PCDHGA1: variants seen among roughly 807,000 people sequenced by gnomAD.
PCDHGA1 encodes protocadherin gamma subfamily A, 1.
In PCDHGA1, 32 loss-of-function variants were observed where a neutral mutation model predicts 58.0. The observed-to-expected ratio is 0.55, with a 90% CI of 0.42 to 0.74. The LOEUF (loss-of-function observed/expected upper bound fraction) is 0.74. Ranked by LOEUF, PCDHGA1 falls within the 30% of genes least tolerant of loss-of-function variation. The pLI is 0.00. For missense variants in PCDHGA1, 1,205 were observed against 1,182.3 expected (o/e 1.02, Z -0.28); for synonymous variants, 498 against 501.1 (o/e 0.99, Z 0.08).
At chr5:141,380,635 G>C (rs746308338) in intron 1 of PCDHGA1, among the ~76,000 whole-genome samples, 17 of 152,190 alleles carry the variant, frequency 1.1e-4, no homozygotes, top group African/African-American at 2.4e-4. Flanking sequence ...TAGAAAATGT[G>C]AATGCTAGAG....
intron 1 of PCDHGA1, chr5:141,374,774 A>G: frequency 6.2e-7 from 1 of 1,613,822 alleles, no homozygotes; most frequent in Non-Finnish European, 8.5e-7. Context: ...AATTCTGGTA[A>G]CAGTTCTAGA....
intron 1 of PCDHGA1, among the ~76,000 whole-genome samples, chr5:141,456,780 T>A (rs1392367637): frequency 1.3e-5 from 2 of 152,000 alleles, no homozygotes; most frequent in Non-Finnish European, 2.9e-5. Flanking sequence ...CTGGCCTACA[T>A]GGCAAAACCC....
intron 1 of PCDHGA1, chr5:141,370,873 C>T: frequency 6.2e-7 from 1 of 1,614,064 alleles, no homozygotes; most frequent in Non-Finnish European, 8.5e-7. Flanking sequence ...GCGCAAGATC[C>T]TGATGTAGGT....
chr5:141,375,593 T>C (rs922478028), intron 1 of PCDHGA1: 1 of 1,614,024 alleles, frequency 6.2e-7, no homozygotes, highest in African/African-American at 1.3e-5. Flanking sequence ...CCTGTCCTCC[T>C]ACGTGTCCAT....
chr5:141,454,281 A>C (rs1048947689), intron 1 of PCDHGA1, among the ~76,000 whole-genome samples: 2 of 152,242 alleles, frequency 1.3e-5, no homozygotes, highest in African/African-American at 4.8e-5. Context: ...AAAACTTCAC[A>C]TTAAAGGAAC....
intron 1 of PCDHGA1, chr5:141,430,780 C>G: frequency 6.6e-7 from 1 of 1,511,476 alleles, no homozygotes; most frequent in Non-Finnish European, 8.8e-7. Context: ...CGCGACTGCA[C>G]CGGGACTACA....
In PCDHGA1 at chr5:141,384,747, CTT is replaced by C. The variant is rs1040265836; in HGVS notation, c.2421+51644_2421+51645del. Reference sequence around the variant, plus strand: ...TGCTTAAGGCCAGCGAGCCAGGACTCTTTGCGGTTGGGCTGTACACGGGCGAG... The same window carrying C: ...TGCTTAAGGCCAGCGAGCCAGGACTCTGCGGTTGGGCTGTACACGGGCGAG... On this transcript the variant is annotated intron_variant, in intron 1 of 3. Coordinates refer to ENST00000517417, the MANE Select transcript of PCDHGA1 (RefSeq NM_018912.3). 2.2e-5 allele frequency: 35 copies of C among 1,614,060 alleles called. No individual in the cohort carries two copies. In the Admixed American group the frequency reaches 3.5e-4, roughly 16 times the overall value.
At chr5:141,384,368 C>T (rs748304499) in intron 1 of PCDHGA1, 7 of 1,613,908 alleles carry the variant, frequency 4.3e-6, no homozygotes, top group East Asian at 2.2e-5. Flanking sequence ...ATCACTTATT[C>T]CTTGGCCGAA....
At chr5:141,462,781 G>C (rs893647456) in intron 1 of PCDHGA1, among the ~76,000 whole-genome samples, 1 of 152,102 alleles carries the variant, frequency 6.6e-6, no homozygotes, top group Non-Finnish European at 1.5e-5. Flanking sequence ...GTCATAATTT[G>C]TTGCTTATTT....
intron 2 of PCDHGA1, among the ~76,000 whole-genome samples, chr5:141,497,175 A>T (rs2154592067): frequency 6.7e-6 from 1 of 150,262 alleles, no homozygotes; most frequent in East Asian, 1.9e-4. Context: ...AAATCACAGT[A>T]AGTTCTGAGA....
intron 1 of PCDHGA1, among the ~76,000 whole-genome samples, chr5:141,473,948 A>ACC (rs2099333859): frequency 1.3e-5 from 2 of 152,182 alleles, no homozygotes; most frequent in Non-Finnish European, 2.9e-5. Context: ...TCAGGCCTGT[A>ACC]GTCCCATCTA....
In PCDHGA1 at chr5:141,489,198, C is replaced by G; in HGVS notation, c.2422-5609C>G. 1 of 1,392,402 alleles carries G rather than the reference C, an allele frequency of 7.2e-7. No individual in the cohort carries two copies. Among genetic ancestry groups the G allele is most frequent in the South Asian group, 1.4e-5 (1 of 71,348 alleles). The allele number at this position is 1,392,402 out of a possible 1,614,324, so 86.3% of individuals were successfully genotyped here. A position where few individuals can be genotyped will look rare whatever the true frequency, so the allele number is the denominator to read the frequency against. On this transcript the variant is annotated intron_variant, in intron 1 of 3. Coordinates refer to ENST00000517417, the MANE Select transcript of PCDHGA1 (RefSeq NM_018912.3). This position sits in a 1 kb window ranked among gnomAD's most constrained non-coding sequence, Gnocchi z 4.5. ...CCAAGCCCTGGGTCTACCTTGGAGA[C>G]AGGACAGCACAGACTTACTCTCCAC...
chr5:141,355,112 A>G, intron 1 of PCDHGA1: 1 of 1,510,090 alleles, frequency 6.6e-7, no homozygotes, highest in Non-Finnish European at 8.8e-7. Context: ...CTGTGAATGC[A>G]CTTTATTTTG....
intron 1 of PCDHGA1, chr5:141,345,320 C>T: frequency 6.2e-7 from 1 of 1,613,966 alleles, no homozygotes; most frequent in Non-Finnish European, 8.5e-7. Flanking sequence ...ATGGGGGAAG[C>T]CCGCCACTGT....
intron 1 of PCDHGA1, chr5:141,384,104 A>C: frequency 1.2e-6 from 2 of 1,601,040 alleles, no homozygotes; most frequent in Non-Finnish European, 8.5e-7. Context: ...GATAATTATT[A>C]TAGATTGGTC....
At chr5:141,366,726 C>G (rs761086416) in intron 1 of PCDHGA1, 3 of 1,613,226 alleles carry the variant, frequency 1.9e-6, no homozygotes, top group Admixed American at 3.3e-5. Context: ...AAGGTAGATG[C>G]AAACAAAGAA....
intron 1 of PCDHGA1, chr5:141,394,082 G>C: frequency 6.2e-7 from 1 of 1,613,830 alleles, no homozygotes; most frequent in Non-Finnish European, 8.5e-7. Flanking sequence ...TCACAGTGAT[G>C]GCCTCAGATC....
At chr5:141,361,876 G>T in intron 1 of PCDHGA1, 1 of 1,610,918 alleles carries the variant, frequency 6.2e-7, no homozygotes, top group Non-Finnish European at 8.5e-7. Context: ...GGTGCCACGC[G>T]CCGCAGAGCC....
At chr5:141,435,346 G>A (rs2097758346) in intron 1 of PCDHGA1, among the ~76,000 whole-genome samples, 1 of 152,012 alleles carries the variant, frequency 6.6e-6, no homozygotes, top group South Asian at 2.1e-4. Flanking sequence ...TATTTCTTCT[G>A]CATTTAAAAT....
Sources: allele counts gnomAD v4.1 joint callset (sites outside exome capture counted in the v4.1 genomes callset), GRCh38; gene constraint gnomAD v4.1.1; non-coding constraint Gnocchi (gnomAD v3.1); transcripts MANE v1.5; gene names NCBI Gene and HGNC (gene_info 2026-07-23, HGNC 2026-07-21).